Variants in PTAFR observed in about 807,000 individuals in gnomAD.
PTAFR encodes the protein platelet-activating factor receptor.
In PTAFR, 8 loss-of-function variants were observed where a neutral mutation model predicts 14.7. The observed-to-expected ratio is 0.54, with a 90% confidence interval of 0.32 to 0.98. PTAFR has a LOEUF of 0.98. Ranked by LOEUF, PTAFR falls within the 50% of genes least tolerant of loss-of-function variation. The probability of loss-of-function intolerance (pLI) is 0.04; values close to 1 mark genes in which losing one functional copy is unlikely to be tolerated. For missense variants in PTAFR, 337 were observed against 451.2 expected (o/e 0.75, Z 2.29); for synonymous variants, 156 against 176.5 (o/e 0.88, Z 0.92).
chr1:28,191,375 T>A (rs1286442927), intron 1 of PTAFR, among the ~76,000 whole-genome samples: 1 of 152,232 alleles, frequency 6.6e-6, no homozygotes, highest in Non-Finnish European at 1.5e-5. Flanking sequence ...GCACTCTTCA[T>A]AGACCTAGAA....
chr1:28,148,918 C>T lies in PTAFR; in HGVS notation c.*1075G>A, dbSNP rs1253461154. The T allele has an allele frequency of 6.6e-6, 1 of 152,270 alleles. No individual in the cohort carries two copies. The highest frequency in any genetic ancestry group is 1.5e-5 in the Non-Finnish European group (1 of 68,094). The allele number at this position is 152,270 out of a possible 1,614,324, so 9.4% of individuals were successfully genotyped here. A position where few individuals can be genotyped will look rare whatever the true frequency, so the allele number is the denominator to read the frequency against. On this transcript the variant is annotated 3_prime_UTR_variant, in exon 2 of 2. Coordinates refer to ENST00000373857, the MANE Select transcript of PTAFR (RefSeq NM_000952.5). ...TTGCTTTCAAGGGGCCTTTGCCCAC[C>T]CTCAGTGGGTGGCTGCCCCACAGAA... is the stretch of plus-strand genomic sequence containing the variant.
chr1:28,153,493 C>T (rs1646220441), intron 1 of PTAFR, among the ~76,000 whole-genome samples: 1 of 151,278 alleles, frequency 6.6e-6, no homozygotes, highest in African/African-American at 2.4e-5. Context: ...CGCCTGTAAT[C>T]CCAACACTTT....
At chr1:28,173,282 T>G (rs941937940) in intron 1 of PTAFR, among the ~76,000 whole-genome samples, 3 of 94,838 alleles carry the variant, frequency 3.2e-5, no homozygotes, top group African/African-American at 1.3e-4. Context: ...AGCAAGACTG[T>G]GTCTCTTAAA....
At position 28,150,626 on chromosome 1, in the gene PTAFR, C is replaced by T. The variant is rs1201509328; in HGVS notation, c.396G>A (p.Lys132=). The change falls in exon 2 of 2, where the codon AAG becomes AAA. Residue 132 remains lysine (K), a synonymous_variant. Coordinates refer to ENST00000373857, the MANE Select transcript of PTAFR (RefSeq NM_000952.5). The surrounding 1 kb of genome is among the most constrained non-coding windows in gnomAD (Gnocchi z 6.3). ...TGACCAAGGACAAAGAGATGCCACG[C>T]TTGCGGGTGTTGGCCTGAGCAGTCT... ...PIKTAQANTR[K]RGISLSLVIW... is the part of the protein sequence containing the mutation. 1 of 1,614,182 alleles carries T rather than the reference C, an allele frequency of 6.2e-7. No homozygotes were observed.
chr1:28,168,262 C>A (rs185634616), intron 1 of PTAFR, among the ~76,000 whole-genome samples: 1 of 151,974 alleles, frequency 6.6e-6, no homozygotes, highest in African/African-American at 2.4e-5. Flanking sequence ...TGAGCCACCG[C>A]GCCCGGCAGA....
intron 1 of PTAFR, among the ~76,000 whole-genome samples, chr1:28,154,408 C>G (rs371143270): frequency 8.9e-4 from 136 of 152,216 alleles, no homozygotes; most frequent in African/African-American, 3.1e-3. Flanking sequence ...AGCACAGGAG[C>G]TATAGGGCGA....
At chr1:28,170,328 T>G (rs1314582838) in intron 1 of PTAFR, among the ~76,000 whole-genome samples, 7 of 152,068 alleles carry the variant, frequency 4.6e-5, no homozygotes, top group Non-Finnish European at 7.4e-5. Flanking sequence ...GCTTCCAAAC[T>G]CTCACACCCC....
intron 1 of PTAFR, among the ~76,000 whole-genome samples, chr1:28,168,003 G>C (rs1473507249): frequency 2.9e-5 from 4 of 138,202 alleles, no homozygotes; most frequent in Non-Finnish European, 4.5e-5. Flanking sequence ...CTGTAGCGCA[G>C]GCTGGAGTGC....
chr1:28,191,884 G>A (rs1456908106), intron 1 of PTAFR, among the ~76,000 whole-genome samples: 1 of 151,840 alleles, frequency 6.6e-6, no homozygotes, highest in East Asian at 1.9e-4. Context: ...TAGGCAACAT[G>A]ATGAAACCCT....
chr1:28,159,758 A>G (rs1324857881), intron 1 of PTAFR, among the ~76,000 whole-genome samples: 8 of 151,694 alleles, frequency 5.3e-5, no homozygotes, highest in Admixed American at 4.6e-4. Flanking sequence ...CCCAGGAGGT[A>G]GAGGTTGCAG....
At chr1:28,173,991 G>A (rs747281849) in intron 1 of PTAFR, among the ~76,000 whole-genome samples, 2 of 152,124 alleles carry the variant, frequency 1.3e-5, no homozygotes, top group Non-Finnish European at 1.5e-5. Flanking sequence ...CATGCAGCCC[G>A]GATATGCTCC....
At chr1:28,176,444 C>CA (rs532299068) in intron 1 of PTAFR, 148 bp downstream of exon 1, 26,696 of 70,728 alleles carry the variant, frequency 0.38, 3,874 homozygotes, top group Middle Eastern at 0.44. Context: ...GACCCTGTCT[C>CA]AAAAAAAAAA....
chr1:28,163,094 A>G (rs1266096323), intron 1 of PTAFR, among the ~76,000 whole-genome samples: 2 of 151,964 alleles, frequency 1.3e-5, no homozygotes, highest in Non-Finnish European at 2.9e-5. Context: ...TTTTTCCTCA[A>G]ATCTCTTTGC....
intron 1 of PTAFR, among the ~76,000 whole-genome samples, chr1:28,171,182 G>T (rs1370004215): frequency 6.6e-6 from 1 of 151,798 alleles, no homozygotes; most frequent in African/African-American, 2.4e-5. Context: ...AATTAGCTGG[G>T]TGTGGTGGCG....
intron 1 of PTAFR, among the ~76,000 whole-genome samples, chr1:28,187,397 C>T (rs76335621): frequency 0.058 from 8,851 of 152,238 alleles, 285 homozygotes; most frequent in Middle Eastern, 0.092. Context: ...AGATCTCTCA[C>T]TTCATATCCA....
chr1:28,191,578 A>G (rs1029971689), intron 1 of PTAFR, among the ~76,000 whole-genome samples: 5 of 145,264 alleles, frequency 3.4e-5, no homozygotes, highest in Non-Finnish European at 7.6e-5. Flanking sequence ...TACAAAAAGA[A>G]AAAAGAAAAG....
intron 1 of PTAFR, among the ~76,000 whole-genome samples, chr1:28,153,484 G>A (rs185883891): frequency 6.7e-6 from 1 of 149,214 alleles, no homozygotes; most frequent in East Asian, 2.0e-4. Flanking sequence ...GGTGGCTCAC[G>A]CCTGTAATCC....
intron 1 of PTAFR, among the ~76,000 whole-genome samples, chr1:28,191,201 G>A (rs759593059): frequency 2.0e-4 from 31 of 152,296 alleles, no homozygotes; most frequent in Admixed American, 3.9e-4. Context: ...GCCAGGCCTC[G>A]CGGGGGAGGC....
chr1:28,151,143 G>T, intron 1 of PTAFR, 84 bp from the exon 2 acceptor site: 1 of 763,742 alleles, frequency 1.3e-6, no homozygotes, highest in Non-Finnish European at 2.1e-6. Context: ...TCCTTGCCAT[G>T]GTTAGAATGA....
Sources: gnomAD v4.1 joint callset for allele counts (sites outside exome capture counted in the v4.1 genomes callset) on GRCh38, gnomAD v4.1.1 for gene constraint, Gnocchi (gnomAD v3.1) non-coding constraint, MANE v1.5 for transcripts, NCBI Gene and HGNC (gene_info 2026-07-23, HGNC 2026-07-21) for gene names.